ZNF658: variants seen among roughly 807,000 people sequenced by gnomAD.
The protein encoded by ZNF658 is zinc finger protein 658.
Under a neutral mutation model 78.0 loss-of-function variants are expected in ZNF658, and 46 were observed. That is an observed-to-expected ratio of 0.59 (90% CI 0.47 to 0.75). The LOEUF (loss-of-function observed/expected upper bound fraction) is 0.75, where lower values mean the gene tolerates loss of function less well. Ranked by LOEUF, ZNF658 falls within the 30% of genes least tolerant of loss-of-function variation. The probability of loss-of-function intolerance (pLI) is 0.00; values close to 1 mark genes in which losing one functional copy is unlikely to be tolerated. For synonymous variants in ZNF658, 279 were observed against 408.4 expected, an observed-to-expected ratio of 0.68 and a Z score of 3.82; for missense variants, 785 against 1,189.3, an observed-to-expected ratio of 0.66 and a Z score of 5.00.
chr9:66,920,367 G>A lies in ZNF658; in HGVS notation c.2801G>A (p.Gly934Glu). 2 of 1,613,132 alleles carry A rather than the reference G, an allele frequency of 1.2e-6. No homozygotes were observed. The highest frequency in any genetic ancestry group is 2.2e-5 in the South Asian group (2 of 91,032). The change falls in exon 5 of 5, where the codon GGG (glycine) becomes GAG (glutamate). Residue 934 changes from glycine (G) to glutamate (E), a missense_variant. This residue lies in a region of ZNF658 where 85 missense variants were observed against 108.6 expected (regional missense o/e 0.78). Coordinates refer to ENST00000621410, the MANE Select transcript of ZNF658 (RefSeq NM_033160.7). ...YVSAHQRVHT[G>E]EKPYECNVCG... ...AGTGCACATCAGAGAGTTCATACGG[G>A]GGAGAAACCCTACGAATGTAATGTA... is the stretch of plus-strand genomic sequence containing the variant.
chr9:66,918,969 G>A lies in ZNF658; in HGVS notation c.1403G>A (p.Cys468Tyr), dbSNP rs1207610138. 3 of 1,386,306 alleles carry A rather than the reference G, an allele frequency of 2.2e-6. No individual in the cohort carries two copies. The highest frequency in any genetic ancestry group is 4.7e-5 in the East Asian group (2 of 42,818). 85.9% of individuals were successfully genotyped at this position (1,386,306 alleles called of 1,614,324 possible). ...AGAATTCACACAAAAGAGAAACCTT[G>A]TGATAACAATGGCTGTGGGAGATCT... ...HLRIHTKEKP[C>Y]DNNGCGRSYK... The change falls in exon 5 of 5, where the codon TGT (cysteine) becomes TAT (tyrosine). Residue 468 changes from cysteine (C) to tyrosine (Y), a missense_variant. Transcript: ENST00000621410.
chr9:66,910,465 C>G (rs1822188047), intron 4 of ZNF658, among the ~76,000 whole-genome samples: 1 of 151,248 alleles, frequency 6.6e-6, no homozygotes, highest in African/African-American at 2.4e-5. Context: ...TATTGATTGT[C>G]TAAAAAGGAT....
chr9:66,908,203 C>A, intron 2 of ZNF658, 35 bp from the exon 3 acceptor site: 1 of 1,613,332 alleles, frequency 6.2e-7, no homozygotes, highest in East Asian at 2.2e-5. Context: ...TTGAACAAAC[C>A]ATTGTTATAT....
At position 66,918,666 on chromosome 9, in the gene ZNF658, A is replaced by G. The variant is rs1822412805; in HGVS notation, c.1100A>G (p.Asp367Gly). Residue 367 changes from aspartate (D) to glycine (G), a missense_variant, in exon 5 of 5, where the codon GAC becomes GGC. Asp to Gly is a moderately conservative substitution (Grantham distance 94). Transcript: ENST00000621410. ...ECTDALYQKL[D>G]FTAHQRIHTE... is the part of the protein sequence containing the mutation. ...ACAGATGCCCTCTACCAGAAATTAG[A>G]CTTTACAGCACATCAGAGAATTCAC... 1.2e-6 allele frequency: 2 copies of G among 1,613,886 alleles called. No homozygotes were observed. The highest frequency in any genetic ancestry group is 1.7e-6 in the Non-Finnish European group (2 of 1,179,840).
Position 66,920,662 on chromosome 9 carries a change from C to T in ZNF658, c.3096C>T (p.Val1032=). 7.4e-7 allele frequency: 1 copy of T among 1,349,894 alleles called. No individual in the cohort carries two copies. Among genetic ancestry groups the T allele is most frequent in the Non-Finnish European group, 1.0e-6 (1 of 958,140 alleles). The allele number at this position is 1,349,894 out of a possible 1,614,324, so 83.6% of individuals were successfully genotyped here. A position where few individuals can be genotyped will look rare whatever the true frequency, so the allele number is the denominator to read the frequency against. ...GTGATGAATGTGGGAAAACTTTTGT[C>T]CGTAAGGCAGCTCTTAGGGTACATC... The part of the protein sequence containing the change: ...YECDECGKTF[V]RKAALRVHHT... Residue 1032 remains valine (V), a synonymous_variant, in exon 5 of 5, where the codon GTC becomes GTT. Coordinates refer to ENST00000621410, the MANE Select transcript of ZNF658 (RefSeq NM_033160.7).
chr9:66,915,111 A>T (rs1032563367), intron 4 of ZNF658, among the ~76,000 whole-genome samples: 1 of 151,688 alleles, frequency 6.6e-6, no homozygotes, highest in Non-Finnish European at 1.5e-5. Context: ...ATATAGAGGA[A>T]GATTTCATTA....
chr9:66,910,773 G>A (rs1822197040), intron 4 of ZNF658, among the ~76,000 whole-genome samples: 2 of 144,700 alleles, frequency 1.4e-5, no homozygotes, highest in African/African-American at 2.6e-5. Context: ...TCCGGCCTGG[G>A]CAAAAGAGCG....
chr9:66,903,295 A>G (rs1821994774), intron 1 of ZNF658: 1 of 466,694 alleles, frequency 2.1e-6, no homozygotes, highest in Non-Finnish European at 3.9e-6. Context: ...CCTTTTCAAG[A>G]GTCAAAGGGA....
At chr9:66,913,563 C>T (rs948018259) in intron 4 of ZNF658, among the ~76,000 whole-genome samples, 2 of 152,176 alleles carry the variant, frequency 1.3e-5, no homozygotes, top group African/African-American at 4.8e-5. Flanking sequence ...TCAGAGGAGG[C>T]TCACTAAAAC....
At chr9:66,921,499 G>T (rs1822526821), downstream of ZNF658, 1 of 150,914 alleles carries the variant, frequency 6.6e-6, no homozygotes, top group Non-Finnish European at 1.5e-5. Context: ...TATTCACCTA[G>T]AACTGATGTA....
intron 6 of ZNF658, among the ~76,000 whole-genome samples, chr9:66,929,940 C>G (rs1262816864): frequency 1.5e-5 from 2 of 137,126 alleles, no homozygotes; most frequent in African/African-American, 5.5e-5. Flanking sequence ...CCCGCCACCA[C>G]GCCCAGCTAA....
At chr9:66,913,378 T>C (rs1414299800) in intron 4 of ZNF658, among the ~76,000 whole-genome samples, 6 of 151,450 alleles carry the variant, frequency 4.0e-5, no homozygotes, top group African/African-American at 1.5e-4. Flanking sequence ...TGAGCCAAGA[T>C]TGCGCCACTC....
intron 6 of ZNF658, among the ~76,000 whole-genome samples, chr9:66,927,480 G>C (rs1055020550): frequency 2.0e-5 from 3 of 151,782 alleles, no homozygotes; most frequent in Admixed American, 2.0e-4. Flanking sequence ...CCATTATATT[G>C]CTCCAATAAT....
chr9:66,905,710 A>G (rs201517877), intron 2 of ZNF658, among the ~76,000 whole-genome samples: 59,657 of 115,428 alleles, frequency 0.52, 16,899 homozygotes, highest in African/African-American at 0.72. Flanking sequence ...TCCAACTTTA[A>G]AGTTTCTATT....
intron 6 of ZNF658, among the ~76,000 whole-genome samples, chr9:66,929,241 C>T (rs1056314287): frequency 2.0e-4 from 27 of 135,088 alleles, no homozygotes; most frequent in East Asian, 1.5e-3. Flanking sequence ...TCCTGCAGTC[C>T]GACCCTGAAC....
At chr9:66,930,663 C>A (rs139343816) in intron 6 of ZNF658, among the ~76,000 whole-genome samples, 1 of 151,808 alleles carries the variant, frequency 6.6e-6, no homozygotes, top group East Asian at 1.9e-4. Flanking sequence ...TACAACAGAG[C>A]AAGACTCCGT....
At chr9:66,910,234 A>G (rs935786562) in intron 4 of ZNF658, among the ~76,000 whole-genome samples, 2 of 152,172 alleles carry the variant, frequency 1.3e-5, no homozygotes, top group African/African-American at 4.8e-5. Flanking sequence ...GCATCTTTTT[A>G]TATGCCTATT....
downstream of ZNF658, chr9:66,921,444 A>AT (rs972686810): frequency 6.7e-6 from 1 of 150,192 alleles, no homozygotes; most frequent in Non-Finnish European, 1.5e-5. Flanking sequence ...TTTCCTAGGT[A>AT]TTTTTTTCTG....
Position 66,919,777 on chromosome 9 carries a change from A to T in ZNF658, c.2211A>T (p.Thr737=), listed in dbSNP as rs1482763486. The change falls in exon 5 of 5, where the codon ACA becomes ACT. Residue 737 remains threonine, a synonymous_variant. Coordinates refer to ENST00000621410, the MANE Select transcript of ZNF658 (RefSeq NM_033160.7). ...SALRAHQNIH[T]GEKLYECSEC... ...TTAGAGCACATCAGAATATCCACAC[A>T]GGGGAGAAACTCTATGAATGTAGTG... The T allele has an allele frequency of 1.9e-6, 3 of 1,611,354 alleles. No homozygotes were observed. The highest frequency in any genetic ancestry group is 4.5e-5 in the East Asian group (2 of 44,814).
Sources: gnomAD v4.1 joint callset for allele counts (sites outside exome capture counted in the v4.1 genomes callset) on GRCh38, gnomAD v4.1.1 for gene constraint, gnomAD v4.1.1 regional missense constraint, MANE v1.5 for transcripts, NCBI Gene and HGNC (gene_info 2026-07-23, HGNC 2026-07-21) for gene names.